The following STARD13 variants were observed in gnomAD, a reference collection of about 807,000 sequenced individuals.
STARD13 encodes stAR-related lipid transfer protein 13.
STARD13 carries 62 observed loss-of-function variants against 106.4 expected under a neutral mutation model. The ratio of observed to expected loss-of-function variants is 0.58; its 90% CI spans 0.48 to 0.72. The LOEUF (loss-of-function observed/expected upper bound fraction) is 0.72, where lower values mean the gene tolerates loss of function less well. Among genes scored for constraint, STARD13 ranks in the 30% least tolerant of loss-of-function variants. The pLI, the probability that STARD13 is intolerant of heterozygous loss-of-function variation, is 0.00. For missense variants in STARD13, 1,387 were observed against 1,424.0 expected (o/e 0.97, Z 0.42); for synonymous variants, 565 against 553.0 (o/e 1.02, Z -0.31).
At chr13:33,464,175 A>T in the STARD13 span, among the ~76,000 whole-genome samples, 3 of 151,874 alleles carry the variant, frequency 2.0e-5, no homozygotes, top group Non-Finnish European at 4.4e-5. Context: ...GGGGGCTGAG[A>T]GAGAATATTG....
chr13:33,275,585 G>A (rs1344851083), intron 1 of STARD13: 1 of 152,154 alleles, frequency 6.6e-6, no homozygotes, highest in Non-Finnish European at 1.5e-5. Flanking sequence ...AAATTCACGT[G>A]TACATGACTC....
chr13:33,254,518 G>A (rs570550493), intron 1 of STARD13, among the ~76,000 whole-genome samples: 15 of 152,266 alleles, frequency 9.9e-5, no homozygotes, highest in Non-Finnish European at 2.1e-4. Context: ...GTGATTCCCC[G>A]ACAAAGGCCC....
At chr13:33,213,701 G>A (rs541407195) in intron 1 of STARD13, among the ~76,000 whole-genome samples, 2 of 152,350 alleles carry the variant, frequency 1.3e-5, no homozygotes, top group East Asian at 3.9e-4. Context: ...TTTGCCTCTT[G>A]CAACTGGCAC....
the STARD13 span, among the ~76,000 whole-genome samples, chr13:33,513,224 C>A: frequency 6.6e-5 from 10 of 152,118 alleles, no homozygotes; most frequent in Admixed American, 5.2e-4. Flanking sequence ...TTGTCTTTCT[C>A]CTTTGAGAAC....
At chr13:33,566,194 A>G in the STARD13 span, among the ~76,000 whole-genome samples, 1 of 148,568 alleles carries the variant, frequency 6.7e-6, no homozygotes, top group Non-Finnish European at 1.5e-5. Context: ...GAGAGGCCAC[A>G]TTCACATAGT....
the STARD13 span, among the ~76,000 whole-genome samples, chr13:33,675,395 G>A: frequency 2.7e-4 from 41 of 152,306 alleles, no homozygotes; most frequent in Non-Finnish European, 5.9e-4. Context: ...GTCTGGAGGA[G>A]AGAGTTTTCA....
chr13:33,665,825 C>G, the STARD13 span, among the ~76,000 whole-genome samples: 1 of 151,986 alleles, frequency 6.6e-6, no homozygotes, highest in South Asian at 2.1e-4. Flanking sequence ...GGACTCCAAG[C>G]TCTGACTCTC....
chr13:33,169,963 C>T (rs1211793871), intron 1 of STARD13, among the ~76,000 whole-genome samples: 1 of 152,056 alleles, frequency 6.6e-6, no homozygotes, highest in Non-Finnish European at 1.5e-5. Flanking sequence ...TAATTGAACT[C>T]ATGGACATAG....
Position 33,130,091 on chromosome 13 carries a change from A to C in STARD13, c.586T>G (p.Cys196Gly). Residue 196 changes from cysteine to glycine, a missense_variant, in exon 5 of 14, where the codon TGC becomes GGC. Coordinates refer to ENST00000336934, the MANE Select transcript of STARD13 (RefSeq NM_178006.4). The surrounding 1 kb of genome is among the most constrained non-coding windows in gnomAD (Gnocchi z 4.1). ...CCACTGCTTTCGCTGTGAATGGAGC[A>C]GACCTCAGGCTCGCTCAGGTCTGTG... ...VLTDLSEPEV[C>G]SIHSESSGGS... The C allele has an allele frequency of 6.2e-7, 1 of 1,614,084 alleles. No individual in the cohort carries two copies.
chr13:33,628,191 A>ACC, the STARD13 span, among the ~76,000 whole-genome samples: 207 of 124,194 alleles, frequency 1.7e-3, 2 homozygotes, highest in Middle Eastern at 8.2e-3. Context: ...ACACACACAC[A>ACC]CCACATGCAT....
chr13:33,230,373 T>C (rs1313733629), intron 1 of STARD13, among the ~76,000 whole-genome samples: 2 of 152,202 alleles, frequency 1.3e-5, no homozygotes, highest in East Asian at 3.8e-4. Flanking sequence ...GCTGCTCTGG[T>C]AGAAATAGGG....
At chr13:33,462,718 G>A in the STARD13 span, among the ~76,000 whole-genome samples, 29 of 152,044 alleles carry the variant, frequency 1.9e-4, no homozygotes, top group African/African-American at 6.5e-4. Context: ...ATGAAGGCGG[G>A]AAGACTCAGG....
the STARD13 span, among the ~76,000 whole-genome samples, chr13:33,443,155 G>C: frequency 2.0e-5 from 3 of 152,004 alleles, no homozygotes; most frequent in East Asian, 5.8e-4. Flanking sequence ...GAGGCGGGCG[G>C]ATCACAAGGT....
chr13:33,135,965 T>C (rs1441213032), intron 4 of STARD13, among the ~76,000 whole-genome samples: 1 of 151,968 alleles, frequency 6.6e-6, no homozygotes, highest in African/African-American at 2.4e-5. Flanking sequence ...CTACTAAAAA[T>C]ACAGAAATTA....
the STARD13 span, among the ~76,000 whole-genome samples, chr13:33,491,536 G>A: frequency 6.6e-6 from 1 of 152,154 alleles, no homozygotes. Flanking sequence ...TGATCTGTGA[G>A]ACCTTGGGGG....
At chr13:33,455,318 T>A in the STARD13 span, among the ~76,000 whole-genome samples, 1 of 152,194 alleles carries the variant, frequency 6.6e-6, no homozygotes, top group Admixed American at 6.5e-5. Context: ...AAACCAGTAC[T>A]AAGAGAATTT....
intron 1 of STARD13, among the ~76,000 whole-genome samples, chr13:33,314,980 T>A (rs887231445): frequency 4.6e-5 from 7 of 152,046 alleles, no homozygotes; most frequent in South Asian, 4.1e-4. Context: ...ACACTTTTTT[T>A]AAAAAAAAGT....
intron 1 of STARD13, among the ~76,000 whole-genome samples, chr13:33,339,417 G>A (rs544406840): frequency 1.9e-4 from 29 of 152,322 alleles, no homozygotes; most frequent in South Asian, 4.1e-4. Flanking sequence ...TATGCTTCTA[G>A]CACTGTAGTT....
chr13:33,162,678 G>A (rs1316623668), intron 3 of STARD13, among the ~76,000 whole-genome samples: 1 of 152,106 alleles, frequency 6.6e-6, no homozygotes, highest in Admixed American at 6.6e-5. Flanking sequence ...AGTCACCTTT[G>A]CTCCTGTTCC....
Sources: allele counts gnomAD v4.1 joint callset (sites outside exome capture counted in the v4.1 genomes callset), GRCh38; gene constraint gnomAD v4.1.1; non-coding constraint Gnocchi (gnomAD v3.1); transcripts MANE v1.5; gene names NCBI Gene and HGNC (gene_info 2026-07-23, HGNC 2026-07-21).